Variants in LPXN observed in about 807,000 individuals in gnomAD.
LPXN encodes the protein leupaxin.
Under a neutral mutation model 45.6 loss-of-function variants are expected in LPXN, and 28 were observed. The observed-to-expected ratio is 0.61, with a 90% CI of 0.45 to 0.84. LPXN has a LOEUF of 0.84. LPXN is among the 40% of genes least tolerant of loss of function. The pLI, the probability that LPXN is intolerant of heterozygous loss-of-function variation, is 0.00. For missense variants in LPXN, 459 were observed against 475.0 expected, an observed-to-expected ratio of 0.97 and a Z score of 0.31; for synonymous variants, 166 against 169.9, an observed-to-expected ratio of 0.98 and a Z score of 0.18.
chr11:58,563,648 G>A (rs1854444138), intron 3 of LPXN, among the ~76,000 whole-genome samples: 1 of 152,190 alleles, frequency 6.6e-6, no homozygotes, highest in Admixed American at 6.5e-5. Flanking sequence ...AAGTGTATCT[G>A]TTTTAATATG....
chr11:58,568,581 C>T (rs1274767497), intron 2 of LPXN, among the ~76,000 whole-genome samples: 3 of 146,730 alleles, frequency 2.0e-5, no homozygotes, highest in East Asian at 2.0e-4. Context: ...CCAGCCTGCA[C>T]GACAGAAAGA....
At chr11:58,570,932 T>G (rs1166447683) in intron 1 of LPXN, among the ~76,000 whole-genome samples, 1 of 152,244 alleles carries the variant, frequency 6.6e-6, no homozygotes, top group East Asian at 1.9e-4. Flanking sequence ...TTTCTTATTT[T>G]CTATGGTTGC....
At chr11:58,559,578 C>A (rs557697660) in intron 3 of LPXN, among the ~76,000 whole-genome samples, 1 of 152,104 alleles carries the variant, frequency 6.6e-6, no homozygotes, top group Admixed American at 6.6e-5. Flanking sequence ...CAGAACAATA[C>A]GAAAATTATA....
chr11:58,548,040 T>C (rs1414441961), intron 7 of LPXN, among the ~76,000 whole-genome samples: 1 of 151,888 alleles, frequency 6.6e-6, no homozygotes, highest in African/African-American at 2.4e-5. Flanking sequence ...GGATCAAGGA[T>C]AAAAAAAATT....
In LPXN at chr11:58,532,154, G is replaced by A. The variant is rs567025230; in HGVS notation, c.743-3963C>T. 2.3e-3 allele frequency among the ~76,000 whole-genome samples: 348 copies of A among 152,360 alleles called. 1 individual carries two copies. The highest frequency in any genetic ancestry group is 7.8e-3 in the African/African-American group (323 of 41,580). ...CTGCTGGCCCACCTGTGTCATGCTC[G>A]AATTCTTGCCAGGCCTCAGCTGCCT... On this transcript the variant is annotated intron_variant, in intron 7 of 8. Transcript: ENST00000395074.
At position 58,530,710 on chromosome 11, in the gene LPXN, C is replaced by T. The variant is rs1043920561; in HGVS notation, c.743-2519G>A. 5.3e-5 allele frequency among the ~76,000 whole-genome samples: 8 copies of T among 152,202 alleles called. No individual in the cohort carries two copies. The South Asian group carries it at 1.4e-3, about 28-fold the overall frequency. On this transcript the variant is annotated intron_variant, in intron 7 of 8. Coordinates refer to ENST00000395074, the MANE Select transcript of LPXN (RefSeq NM_004811.3). ...ACAGGGTTCGAGCTCTGCTAAGGGT[C>T]AGACTGCCTCCTTGAGTGGGTCTGT...
rs575690096 is a variant in LPXN at position 58,543,763 on chromosome 11, T to C, written c.742+6023A>G. On this transcript the variant is annotated intron_variant, in intron 7 of 8. Coordinates refer to ENST00000395074, the MANE Select transcript of LPXN (RefSeq NM_004811.3). ...TATCAGCTGAGCACAAATAGCCCAA[T>C]AATTTTGTAAATATGAGAGTTCTAC... Among the ~76,000 whole-genome samples the C allele has an allele frequency of 9.2e-5, 14 of 152,270 alleles. No homozygotes were observed. In the South Asian group the frequency reaches 2.9e-3, roughly 32 times the overall value.
intron 2 of LPXN, among the ~76,000 whole-genome samples, chr11:58,567,320 G>A (rs536375828): frequency 1.3e-5 from 2 of 152,066 alleles, no homozygotes; most frequent in Admixed American, 6.5e-5. Context: ...TTTTGACTAG[G>A]AAATAAATTT....
intron 5 of LPXN, 105 bp downstream of exon 5, chr11:58,550,960 T>G: frequency 8.9e-7 from 1 of 1,121,054 alleles, no homozygotes; most frequent in Non-Finnish European, 1.2e-6. Context: ...TTAGTAATTA[T>G]TAATGCTAAC....
At chr11:58,558,735 C>T (rs575225622) in intron 3 of LPXN, among the ~76,000 whole-genome samples, 3 of 151,396 alleles carry the variant, frequency 2.0e-5, no homozygotes, top group Admixed American at 6.6e-5. Flanking sequence ...CTATTTGGTA[C>T]AAAATAAATA....
At chr11:58,527,771 A>C in intron 8 of LPXN, 48 bp from the exon 9 acceptor site, 1 of 1,560,852 alleles carries the variant, frequency 6.4e-7, no homozygotes, top group Non-Finnish European at 8.7e-7. Flanking sequence ...GTCAAGAGGT[A>C]AAATGTCAGC....
chr11:58,535,764 G>T (rs1853532782), intron 7 of LPXN, among the ~76,000 whole-genome samples: 1 of 152,198 alleles, frequency 6.6e-6, no homozygotes. Context: ...TGTATATTTA[G>T]AAAACCCCAT....
At chr11:58,578,325 C>T (rs971408209), upstream of LPXN, 2 of 304,874 alleles carry the variant, frequency 6.6e-6, no homozygotes, top group Admixed American at 5.2e-5. Flanking sequence ...TCAGTTAGAA[C>T]CTCCCGGCAT....
chr11:58,551,908 G>C (rs564556595), intron 4 of LPXN, among the ~76,000 whole-genome samples: 1 of 152,250 alleles, frequency 6.6e-6, no homozygotes, highest in South Asian at 2.1e-4. Context: ...GGAAGGCCCC[G>C]AGGAATAAAA....
intron 7 of LPXN, among the ~76,000 whole-genome samples, chr11:58,538,901 T>G (rs1291268013): frequency 5.9e-5 from 9 of 152,010 alleles, no homozygotes; most frequent in Non-Finnish European, 8.8e-5. Flanking sequence ...TTTCCAGCAT[T>G]AAAAAAGACA....
intron 2 of LPXN, among the ~76,000 whole-genome samples, chr11:58,569,996 T>G (rs1192805879): frequency 6.6e-6 from 1 of 152,100 alleles, no homozygotes; most frequent in East Asian, 1.9e-4. Flanking sequence ...TGTGACCATG[T>G]GCTCATTAGA....
chr11:58,566,133 A>G (rs1454043527), intron 2 of LPXN, among the ~76,000 whole-genome samples: 1 of 98,004 alleles, frequency 1.0e-5, no homozygotes, highest in Non-Finnish European at 2.5e-5. Context: ...TTTCAGGAAC[A>G]TGTGTTTTTT....
intron 5 of LPXN, among the ~76,000 whole-genome samples, chr11:58,550,583 T>C (rs10792172): frequency 0.32 from 49,231 of 152,124 alleles, 8,695 homozygotes; most frequent in Middle Eastern, 0.49. Context: ...CTTTTTATCA[T>C]AGCTTCGGTG....
At chr11:58,561,106 C>T (rs12363738) in intron 3 of LPXN, among the ~76,000 whole-genome samples, 8,180 of 152,174 alleles carry the variant, frequency 0.054, 306 homozygotes, top group Non-Finnish European at 0.082. Context: ...CAAACCAAAA[C>T]CCTCTGTCTC....
Sources: allele counts gnomAD v4.1 joint callset (sites outside exome capture counted in the v4.1 genomes callset), GRCh38; gene constraint gnomAD v4.1.1; transcripts MANE v1.5; gene names NCBI Gene and HGNC (gene_info 2026-07-23, HGNC 2026-07-21).